Variants in ADARB1 observed in about 807,000 individuals in gnomAD.
The protein encoded by ADARB1 is double-stranded RNA-specific editase 1.
Under a neutral mutation model 52.4 loss-of-function variants are expected in ADARB1, and 10 were observed. The observed-to-expected ratio is 0.19, with a 90% confidence interval of 0.12 to 0.32. The LOEUF (loss-of-function observed/expected upper bound fraction) is 0.32, where lower values mean the gene tolerates loss of function less well. ADARB1 is among the 10% of genes least tolerant of loss of function. ADARB1 has a pLI of 1.00. For synonymous variants in ADARB1, 349 were observed against 371.1 expected (o/e 0.94, Z 0.68); for missense variants, 643 against 922.3 (o/e 0.70, Z 3.92).
chr21:45,153,881 T>C (rs1269687440), intron 2 of ADARB1, among the ~76,000 whole-genome samples: 1 of 152,172 alleles, frequency 6.6e-6, no homozygotes, highest in Non-Finnish European at 1.5e-5. Context: ...TGTTTTTGTT[T>C]CCTCAGTTAA....
At chr21:45,191,942 T>C (rs906564570) in intron 8 of ADARB1, among the ~76,000 whole-genome samples, 1 of 145,082 alleles carries the variant, frequency 6.9e-6, no homozygotes, top group African/African-American at 2.6e-5. Flanking sequence ...CCTCATCATT[T>C]TGGCAGGAGA....
chr21:45,196,560 A>G (rs1387754167), intron 8 of ADARB1, among the ~76,000 whole-genome samples: 1 of 152,242 alleles, frequency 6.6e-6, no homozygotes, highest in African/African-American at 2.4e-5. Context: ...AAACTGACAA[A>G]CAGGGAGAAA....
chr21:45,190,205 C>T (rs889451956), intron 8 of ADARB1, among the ~76,000 whole-genome samples: 23 of 152,000 alleles, frequency 1.5e-4, no homozygotes, highest in Admixed American at 3.3e-4. Flanking sequence ...CTTCTTTTTT[C>T]CACCTCATCA....
At chr21:45,114,548 GAAAC>G (rs1208547203) in intron 1 of ADARB1, among the ~76,000 whole-genome samples, 1 of 152,200 alleles carries the variant, frequency 6.6e-6, no homozygotes, top group Non-Finnish European at 1.5e-5. Flanking sequence ...CGACTATACT[GAAAC>G]AAACATTAAA....
intron 1 of ADARB1, among the ~76,000 whole-genome samples, chr21:45,086,788 C>T (rs947535984): frequency 3.3e-5 from 5 of 152,176 alleles, no homozygotes; most frequent in African/African-American, 9.7e-5. Flanking sequence ...AGCATGTCTG[C>T]GTGTGGATGT....
At chr21:45,109,085 C>T (rs1486608651) in intron 1 of ADARB1, among the ~76,000 whole-genome samples, 2 of 152,230 alleles carry the variant, frequency 1.3e-5, no homozygotes, top group Non-Finnish European at 2.9e-5. Context: ...AGACCAGGCT[C>T]TGGGGTTCAT....
chr21:45,140,432 C>T (rs903354000), intron 2 of ADARB1, among the ~76,000 whole-genome samples: 5 of 152,140 alleles, frequency 3.3e-5, no homozygotes, highest in Non-Finnish European at 5.9e-5. Flanking sequence ...GGTACAGGTC[C>T]GCCCCTGGCA....
At chr21:45,088,053 A>G (rs913839740) in intron 1 of ADARB1, among the ~76,000 whole-genome samples, 1 of 152,224 alleles carries the variant, frequency 6.6e-6, no homozygotes, top group African/African-American at 2.4e-5. Flanking sequence ...TGGCAGAGGG[A>G]GGCCGTGCTG....
In ADARB1 at chr21:45,220,228, A is replaced by G. The variant is rs992612167; in HGVS notation, c.1748-608A>G. On this transcript the variant is annotated intron_variant, in intron 9 of 10. Transcript: ENST00000348831. This position sits in a 1 kb window ranked among gnomAD's most constrained non-coding sequence, Gnocchi z 6.3. ...TTGGTGCCAAAAAATTTTGAAATCC[A>G]TGAGGTTTTTTCATAATAAGCATTT... 3.9e-5 allele frequency among the ~76,000 whole-genome samples: 6 copies of G among 152,284 alleles called. No individual in the cohort carries two copies. Among genetic ancestry groups the G allele is most frequent in the Non-Finnish European group, 8.8e-5 (6 of 68,004 alleles).
At chr21:45,080,554 A>G (rs568018441) in intron 1 of ADARB1, among the ~76,000 whole-genome samples, 1 of 152,378 alleles carries the variant, frequency 6.6e-6, no homozygotes, top group East Asian at 1.9e-4. Context: ...CAGTCCTAAA[A>G]AGTTCGGAAT....
rs1602085697 is a variant in ADARB1 at position 45,222,550 on chromosome 21, G to A, written c.*353G>A. On this transcript the variant is annotated 3_prime_UTR_variant, in exon 11 of 11. Coordinates refer to ENST00000348831, the MANE Select transcript of ADARB1 (RefSeq NM_001112.4). ...AGTTTAGGAAAATAGAAATTACTTTGTGTGAAATTCTTGAATAAATAATTT... is the reference window on the plus strand; with the variant it reads ...AGTTTAGGAAAATAGAAATTACTTTATGTGAAATTCTTGAATAAATAATTT... 2 of 1,061,984 alleles carry A rather than the reference G, an allele frequency of 1.9e-6. No individual in the cohort carries two copies. Among genetic ancestry groups the A allele is most frequent in the Non-Finnish European group, 1.1e-6 (1 of 880,000 alleles). The allele number at this position is 1,061,984 out of a possible 1,614,324, so 65.8% of individuals were successfully genotyped here. A position where few individuals can be genotyped will look rare whatever the true frequency, so the allele number is the denominator to read the frequency against.
chr21:45,199,906 C>A (rs2092512430), intron 8 of ADARB1, among the ~76,000 whole-genome samples: 1 of 152,168 alleles, frequency 6.6e-6, no homozygotes, highest in Non-Finnish European at 1.5e-5. Context: ...AGTCGGGGCT[C>A]ATGGACCTGA....
At chr21:45,076,837 T>G (rs1253670821) in intron 1 of ADARB1, among the ~76,000 whole-genome samples, 3 of 152,266 alleles carry the variant, frequency 2.0e-5, no homozygotes, top group Admixed American at 2.0e-4. Flanking sequence ...GCCTGTTATG[T>G]GCTAGGCCTT....
At chr21:45,123,543 G>T (rs1397002604) in intron 1 of ADARB1, among the ~76,000 whole-genome samples, 1 of 152,170 alleles carries the variant, frequency 6.6e-6, no homozygotes, top group Non-Finnish European at 1.5e-5. Flanking sequence ...GGGCTCAAGC[G>T]ATCCTTCCGC....
At chr21:45,216,761 G>A (rs1161488557) in intron 9 of ADARB1, among the ~76,000 whole-genome samples, 4 of 151,796 alleles carry the variant, frequency 2.6e-5, no homozygotes, top group African/African-American at 4.8e-5. Context: ...TATTCTTACC[G>A]ATCTTCTACT....
At position 45,222,188 on chromosome 21, in the gene ADARB1, C is replaced by T. The variant is rs371097171; in HGVS notation, c.2097C>T (p.Leu699=). 6.8e-5 allele frequency: 108 copies of T among 1,577,232 alleles called. No homozygotes were observed. The highest frequency in any genetic ancestry group is 8.7e-5 in the Non-Finnish European group (101 of 1,164,178). The change falls in exon 11 of 11, where the codon CTC becomes CTT. Residue 699 remains leucine (L), a synonymous_variant. Coordinates refer to ENST00000348831, the MANE Select transcript of ADARB1 (RefSeq NM_001112.4). ...EKPTEQDQFS[L]TP is the part of the protein sequence containing the mutation. The stretch of plus-strand genomic sequence containing the variant: ...CCACCGAGCAGGACCAGTTCTCACT[C>T]ACGCCCTGACCCGGGCAGACATGAT...
At chr21:45,075,761 C>T (rs2085907464) in intron 1 of ADARB1, among the ~76,000 whole-genome samples, 2 of 152,186 alleles carry the variant, frequency 1.3e-5, no homozygotes, top group Admixed American at 6.5e-5. Flanking sequence ...AGATCTGCAC[C>T]GTGGTGTTTA....
At chr21:45,168,964 C>T (rs924067034) in intron 2 of ADARB1, among the ~76,000 whole-genome samples, 8 of 152,200 alleles carry the variant, frequency 5.3e-5, no homozygotes, top group African/African-American at 1.7e-4. Flanking sequence ...TCATACACCA[C>T]GGTGTCAGAG....
At chr21:45,089,114 T>C (rs571707688) in intron 1 of ADARB1, among the ~76,000 whole-genome samples, 47 of 152,328 alleles carry the variant, frequency 3.1e-4, no homozygotes, top group African/African-American at 1.1e-3. Context: ...AGGTCTGTGG[T>C]GTAGCCAATT....
Sources: allele counts gnomAD v4.1 joint callset (sites outside exome capture counted in the v4.1 genomes callset), GRCh38; gene constraint gnomAD v4.1.1; non-coding constraint Gnocchi (gnomAD v3.1); transcripts MANE v1.5; gene names NCBI Gene and HGNC (gene_info 2026-07-23, HGNC 2026-07-21).